KIAA0825: variants seen among roughly 807,000 people sequenced by gnomAD.
KIAA0825 encodes the protein KIAA0825, also known as uncharacterized protein KIAA0825.
Under a neutral mutation model 147.6 loss-of-function variants are expected in KIAA0825, and 119 were observed. That is an observed-to-expected ratio of 0.81 (90% CI 0.69 to 0.94). The LOEUF (loss-of-function observed/expected upper bound fraction) is 0.94. Ranked by LOEUF, KIAA0825 falls within the 40% of genes least tolerant of loss-of-function variation. The probability of loss-of-function intolerance (pLI) is 0.00; values close to 1 mark genes in which losing one functional copy is unlikely to be tolerated. For synonymous variants in KIAA0825, 470 were observed against 518.1 expected, an observed-to-expected ratio of 0.91 and a Z score of 1.26; for missense variants, 1,381 against 1,472.7, an observed-to-expected ratio of 0.94 and a Z score of 1.02.
intron 20 of KIAA0825, among the ~76,000 whole-genome samples, chr5:94,283,145 G>T (rs867085781): frequency 6.6e-6 from 1 of 152,002 alleles, no homozygotes; most frequent in African/African-American, 2.4e-5. Context: ...TGAGCTGAAC[G>T]GTTACTACAT....
At chr5:94,205,216 T>G (rs1772041051) in intron 20 of KIAA0825, among the ~76,000 whole-genome samples, 1 of 147,832 alleles carries the variant, frequency 6.8e-6, no homozygotes, top group Non-Finnish European at 1.5e-5. Flanking sequence ...GTAATTATTT[T>G]TACACTCTCA....
chr5:94,242,358 T>A (rs746217480), intron 20 of KIAA0825, among the ~76,000 whole-genome samples: 4 of 152,170 alleles, frequency 2.6e-5, no homozygotes, highest in Non-Finnish European at 1.5e-5. Flanking sequence ...CCCCGCTGAT[T>A]CATTTGGATA....
intron 20 of KIAA0825, among the ~76,000 whole-genome samples, chr5:94,191,732 T>C (rs2150001958): frequency 1.3e-5 from 2 of 152,346 alleles, no homozygotes; most frequent in Middle Eastern, 6.8e-3. Context: ...TTCAGAAGAA[T>C]TAGCCTTCTG....
rs564204980 is a variant in KIAA0825 at position 94,186,017 on chromosome 5, A to G, written c.3711-31893T>C. ...ACCATTGAGGTCATTTTCAAAACTC[A>G]GACTTTGGAAAGGTAATACAATGCA... On this transcript the variant is annotated intron_variant, in intron 20 of 20. Coordinates refer to ENST00000682413, the MANE Select transcript of KIAA0825 (RefSeq NM_001145678.3). Among the ~76,000 whole-genome samples the G allele has an allele frequency of 9.1e-4, 138 of 152,336 alleles. 1 individual carries two copies. The highest frequency in any genetic ancestry group is 3.2e-3 in the African/African-American group (133 of 41,586).
At chr5:94,461,477 T>G (rs1260918694) in intron 12 of KIAA0825, among the ~76,000 whole-genome samples, 1 of 151,936 alleles carries the variant, frequency 6.6e-6, no homozygotes, top group Non-Finnish European at 1.5e-5. Flanking sequence ...ATCTTACAGT[T>G]TCTTCCCCTT....
At chr5:94,437,022 C>T (rs1320354635) in intron 14 of KIAA0825, among the ~76,000 whole-genome samples, 1 of 151,982 alleles carries the variant, frequency 6.6e-6, no homozygotes, top group Non-Finnish European at 1.5e-5. Context: ...GAAAAACACA[C>T]TATTTATTTA....
intron 18 of KIAA0825, among the ~76,000 whole-genome samples, chr5:94,387,660 A>T (rs1476626610): frequency 1.3e-5 from 2 of 151,468 alleles, no homozygotes; most frequent in Non-Finnish European, 2.9e-5. Flanking sequence ...GCACCACTGC[A>T]CTCCAGCCTG....
chr5:94,514,016 C>T (rs1227001661), intron 5 of KIAA0825, among the ~76,000 whole-genome samples: 1 of 152,064 alleles, frequency 6.6e-6, no homozygotes. Flanking sequence ...AAAACAAGAA[C>T]TGGAATTGCT....
At chr5:94,564,384 T>TTG (rs139331057) in intron 2 of KIAA0825, among the ~76,000 whole-genome samples, 16,084 of 79,170 alleles carry the variant, frequency 0.2, 5,772 homozygotes, top group Non-Finnish European at 0.3. Flanking sequence ...ATTTTTGAAT[T>TTG]TGTGTGTGTG....
At chr5:94,234,612 A>G (rs1164687792) in intron 20 of KIAA0825, among the ~76,000 whole-genome samples, 1 of 152,134 alleles carries the variant, frequency 6.6e-6, no homozygotes, top group Non-Finnish European at 1.5e-5. Context: ...GGAGCTGTCA[A>G]TCATAGCAGA....
At chr5:94,586,720 C>G (rs1266552127) in intron 1 of KIAA0825, among the ~76,000 whole-genome samples, 11 of 152,146 alleles carry the variant, frequency 7.2e-5, no homozygotes, top group Non-Finnish European at 5.9e-5. Flanking sequence ...GATACCAAAG[C>G]CTGGCAGAGA....
At chr5:94,333,631 C>A (rs531942180) in intron 20 of KIAA0825, among the ~76,000 whole-genome samples, 1 of 152,080 alleles carries the variant, frequency 6.6e-6, no homozygotes, top group Non-Finnish European at 1.5e-5. Context: ...TTACTGTAGC[C>A]TTGTAGTATA....
At chr5:94,468,350 C>G (rs1194810264) in intron 10 of KIAA0825, among the ~76,000 whole-genome samples, 1 of 152,196 alleles carries the variant, frequency 6.6e-6, no homozygotes, top group African/African-American at 2.4e-5. Flanking sequence ...ATTAGTAGTA[C>G]ACTGACATAC....
At chr5:94,541,467 T>C (rs1773297126) in intron 2 of KIAA0825, among the ~76,000 whole-genome samples, 1 of 152,228 alleles carries the variant, frequency 6.6e-6, no homozygotes. Flanking sequence ...GGCTAAAGGA[T>C]TGTTTTAAGT....
intron 20 of KIAA0825, among the ~76,000 whole-genome samples, chr5:94,196,507 T>C (rs1480946140): frequency 6.6e-6 from 1 of 152,036 alleles, no homozygotes; most frequent in Non-Finnish European, 1.5e-5. Context: ...CATGTGCAGG[T>C]TTGTTAAATG....
chr5:94,587,176 T>C, intron 1 of KIAA0825, among the ~76,000 whole-genome samples: 1 of 152,138 alleles, frequency 6.6e-6, no homozygotes, highest in East Asian at 1.9e-4. Flanking sequence ...CAACATAGTA[T>C]TGGAAGTTCT....
At chr5:94,327,486 G>A (rs78500035) in intron 20 of KIAA0825, among the ~76,000 whole-genome samples, 4,416 of 152,068 alleles carry the variant, frequency 0.029, 187 homozygotes, top group African/African-American at 0.1. Flanking sequence ...ATGAGAAATC[G>A]TGACTTTGCT....
chr5:94,383,787 CTGTGTGTG>C (rs6149118), intron 20 of KIAA0825, among the ~76,000 whole-genome samples: 43 of 145,448 alleles, frequency 3.0e-4, no homozygotes, highest in African/African-American at 5.8e-4. Context: ...TTATACTGCT[CTGTGTGTG>C]TGTGTGTGTG....
At chr5:94,238,798 C>T (rs1268430660) in intron 20 of KIAA0825, among the ~76,000 whole-genome samples, 2 of 152,010 alleles carry the variant, frequency 1.3e-5, no homozygotes, top group African/African-American at 4.8e-5. Flanking sequence ...TTTCCTGAGG[C>T]AGAGAAATTA....
Sources: allele counts gnomAD v4.1 joint callset (sites outside exome capture counted in the v4.1 genomes callset), GRCh38; gene constraint gnomAD v4.1.1; transcripts MANE v1.5; gene names NCBI Gene and HGNC (gene_info 2026-07-23, HGNC 2026-07-21).